The following BBOF1 variants were observed in gnomAD, a reference collection of about 807,000 sequenced individuals.
The protein encoded by BBOF1 is basal body-orientation factor 1.
A neutral mutation model predicts 68.0 loss-of-function variants in BBOF1; 62 were observed. The observed-to-expected ratio is 0.91, with a 90% CI of 0.74 to 1.13. The LOEUF (loss-of-function observed/expected upper bound fraction) is 1.13. BBOF1 is among the 50% of genes most tolerant of loss of function. The pLI is 0.00. For synonymous variants in BBOF1, 208 were observed against 198.8 expected (o/e 1.05, Z -0.39); for missense variants, 534 against 600.1 (o/e 0.89, Z 1.15).
At position 74,034,119 on chromosome 14, in the gene BBOF1, C is replaced by G; in HGVS notation, c.443C>G (p.Ala148Gly). The change falls in exon 4 of 12, where the codon GCA (alanine) becomes GGA (glycine). Residue 148 changes from alanine to glycine, a missense_variant. Transcript: ENST00000394009. Reference protein sequence around the residue: ...EIGMIHTELKAVRQFQKRKIQ... With the variant: ...EIGMIHTELKGVRQFQKRKIQ... ...GGCATGATTCACACAGAGCTGAAAG[C>G]AGTAAGACAATTCCAGAAGAGAAAA... 6.3e-7 allele frequency: 1 copy of G among 1,598,456 alleles called. No homozygotes were observed. Among genetic ancestry groups the G allele is most frequent in the Non-Finnish European group, 8.5e-7 (1 of 1,172,804 alleles).
chr14:74,076,533 C>T (rs1467264951), intron 9 of BBOF1, among the ~76,000 whole-genome samples: 2 of 151,348 alleles, frequency 1.3e-5, no homozygotes, highest in Admixed American at 1.3e-4. Context: ...AGCTAATTTT[C>T]TTTTTATTTA....
At chr14:74,031,607 A>G (rs1439718753) in intron 3 of BBOF1, among the ~76,000 whole-genome samples, 3 of 152,146 alleles carry the variant, frequency 2.0e-5, no homozygotes, top group African/African-American at 7.2e-5. Context: ...GGTGGAGGCC[A>G]TTCTTCTGGT....
intron 4 of BBOF1, among the ~76,000 whole-genome samples, chr14:74,035,584 ATTTTTTTTTT>A (rs71460945): frequency 1.4e-4 from 11 of 81,392 alleles, no homozygotes; most frequent in Admixed American, 2.7e-4. Context: ...CCCCCAGCTA[ATTTTTTTTTT>A]TTTTTTTTTT....
intron 11 of BBOF1, among the ~76,000 whole-genome samples, chr14:74,062,700 A>G (rs1163370352): frequency 2.0e-5 from 3 of 152,320 alleles, no homozygotes; most frequent in African/African-American, 7.2e-5. Flanking sequence ...ATTTGGCCAC[A>G]CTGTCATAAT....
At chr14:74,040,316 T>C (rs2059804085) in intron 4 of BBOF1, among the ~76,000 whole-genome samples, 1 of 152,192 alleles carries the variant, frequency 6.6e-6, no homozygotes, top group Non-Finnish European at 1.5e-5. Context: ...AATCATTGAC[T>C]GCAGTTATCT....
At chr14:74,024,331 C>T (rs1013114338) in intron 2 of BBOF1, among the ~76,000 whole-genome samples, 4 of 152,092 alleles carry the variant, frequency 2.6e-5, no homozygotes, top group African/African-American at 9.7e-5. Flanking sequence ...CAGTGTGCAC[C>T]TGTAGTCCCA....
At chr14:74,039,120 T>C (rs1326734132) in intron 4 of BBOF1, among the ~76,000 whole-genome samples, 1 of 152,150 alleles carries the variant, frequency 6.6e-6, no homozygotes, top group African/African-American at 2.4e-5. Context: ...TATGTAACGA[T>C]TGTATAGTTT....
At position 74,037,270 on chromosome 14, in the gene BBOF1, G is replaced by A. The variant is rs1379399163; in HGVS notation, c.495+3099G>A. Reference sequence around the variant, plus strand: ...TTACAGGTGTGAACCACCACGCCTGGCCTCTTTTTTTTTTTTTTTTTTTTT... The same window carrying A: ...TTACAGGTGTGAACCACCACGCCTGACCTCTTTTTTTTTTTTTTTTTTTTT... On this transcript the variant is annotated intron_variant, in intron 4 of 11. Coordinates refer to ENST00000394009, the MANE Select transcript of BBOF1 (RefSeq NM_025057.3). Among the ~76,000 whole-genome samples, 4 of 129,600 alleles carry A rather than the reference G, an allele frequency of 3.1e-5. No homozygotes were observed. In the East Asian group the frequency reaches 9.0e-4, roughly 29 times the overall value. 85.0% of individuals were successfully genotyped at this position (129,600 alleles called of 152,430 possible). A position where few individuals can be genotyped will look rare whatever the true frequency, so the allele number is the denominator to read the frequency against.
In BBOF1 at chr14:74,030,939, TAG is replaced by T. The variant is rs1491508222; in HGVS notation, c.351+1702_351+1703del. Among the ~76,000 whole-genome samples, 652 of 145,298 alleles carry T rather than the reference TAG, an allele frequency of 4.5e-3. 2 individuals carry two copies. The highest frequency in any genetic ancestry group is 0.018 in the East Asian group (87 of 4,874). Reference sequence around the variant, plus strand: ...TCATAAACATATATATATATATATATAGAGAGAGAGAGATTATATATAAGGAG... The same window carrying T: ...TCATAAACATATATATATATATATATAGAGAGAGAGATTATATATAAGGAG... On this transcript the variant is annotated intron_variant, in intron 3 of 11. Transcript: ENST00000394009.
intron 11 of BBOF1, chr14:74,057,853 C>A (rs774446667): frequency 9.7e-6 from 10 of 1,029,984 alleles, no homozygotes; most frequent in Non-Finnish European, 1.2e-5. Flanking sequence ...AAATAGTTGG[C>A]CAGATGAGTT....
At chr14:74,063,641 G>A (rs1199693675) in intron 11 of BBOF1, among the ~76,000 whole-genome samples, 4 of 151,640 alleles carry the variant, frequency 2.6e-5, no homozygotes, top group Non-Finnish European at 5.9e-5. Context: ...TGAGGCAGGC[G>A]GATCACCTGA....
At position 74,034,005 on chromosome 14, in the gene BBOF1, GTTTACCTC is replaced by G; in HGVS notation, c.352-19_352-12del. 1 of 1,570,458 alleles carries G rather than the reference GTTTACCTC, an allele frequency of 6.4e-7. No individual in the cohort carries two copies. The highest frequency in any genetic ancestry group is 1.4e-5 in the African/African-American group (1 of 72,388). On this transcript the variant is annotated splice_polypyrimidine_tract_variant and intron_variant, in intron 3 of 11. Coordinates refer to ENST00000394009, the MANE Select transcript of BBOF1 (RefSeq NM_025057.3). ...GGACTTCTGTTCTTTTTCCTAACTC[GTTTACCTC>G]TTTTTTGAATACAGGAACAAAAGTA...
At chr14:74,069,014 G>A (rs1250789303), downstream of BBOF1, 1 of 1,609,420 alleles carries the variant, frequency 6.2e-7, no homozygotes, top group Non-Finnish European at 8.5e-7. Context: ...CACTCACAAA[G>A]GAGCAAATGG....
intron 11 of BBOF1, chr14:74,060,730 G>C (rs1343948109): frequency 1.2e-6 from 2 of 1,612,322 alleles, no homozygotes; most frequent in Non-Finnish European, 1.7e-6. Flanking sequence ...CTTTAACTGA[G>C]TGTAGAATTG....
At chr14:74,041,808 G>T (rs997893745) in intron 5 of BBOF1, among the ~76,000 whole-genome samples, 3 of 152,196 alleles carry the variant, frequency 2.0e-5, no homozygotes, top group Non-Finnish European at 4.4e-5. Context: ...AGGCCAAGGT[G>T]GGCGGATCAC....
At position 74,062,142 on chromosome 14, in the gene BBOF1, A is replaced by C. The variant is rs769958440; in HGVS notation, c.1579-2546A>C. Among the ~76,000 whole-genome samples the C allele has an allele frequency of 1.4e-4, 21 of 149,564 alleles. No individual in the cohort carries two copies. The Middle Eastern group carries it at 0.014, about 100-fold the overall frequency. On this transcript the variant is annotated intron_variant, in intron 11 of 11. Coordinates refer to ENST00000394009, the MANE Select transcript of BBOF1 (RefSeq NM_025057.3). ...ACCTGGGAGGTGGAGGTTGCAAGTG[A>C]GCCGAGAATGCACCATTGCACTCCA...
chr14:74,071,877 T>G (rs1477142728), intron 9 of BBOF1: 2 of 1,613,274 alleles, frequency 1.2e-6, no homozygotes, highest in Non-Finnish European at 1.7e-6. Context: ...AAAAGTCCCA[T>G]AAGGGGCTCC....
intron 5 of BBOF1, among the ~76,000 whole-genome samples, chr14:74,041,220 T>C (rs1002131204): frequency 1.4e-4 from 21 of 152,078 alleles, no homozygotes; most frequent in Non-Finnish European, 2.2e-4. Context: ...GAAGAATTGC[T>C]TGAACTCAGG....
intron 1 of BBOF1, among the ~76,000 whole-genome samples, chr14:74,020,875 T>G (rs1566785874): frequency 6.6e-6 from 1 of 152,146 alleles, no homozygotes; most frequent in Non-Finnish European, 1.5e-5. Flanking sequence ...CACTAGTGCC[T>G]AAATCATGCC....
Sources: gnomAD v4.1 joint callset for allele counts (sites outside exome capture counted in the v4.1 genomes callset) on GRCh38, gnomAD v4.1.1 for gene constraint, MANE v1.5 for transcripts, NCBI Gene and HGNC (gene_info 2026-07-23, HGNC 2026-07-21) for gene names.